ANKFN1: variants seen among roughly 807,000 people sequenced by gnomAD.
ANKFN1 encodes ankyrin repeat and fibronectin type III domain containing 1.
Under a neutral mutation model 108.7 loss-of-function variants are expected in ANKFN1, and 74 were observed. That is an observed-to-expected ratio of 0.68 (90% CI 0.56 to 0.83). The LOEUF is 0.83. ANKFN1 is among the 40% of genes least tolerant of loss of function. The pLI is 0.00. For synonymous variants in ANKFN1, 547 were observed against 516.2 expected (o/e 1.06, Z -0.81); for missense variants, 1,505 against 1,382.3 (o/e 1.09, Z -1.41).
chr17:56,269,396 T>C lies in ANKFN1; in HGVS notation c.53+41439T>C, dbSNP rs368854091. On this transcript the variant is annotated intron_variant, in intron 3 of 20. Transcript: ENST00000682825. ...TTTACACAGCCCTCCCAAACAACTCTGGAAGCAGGTAATGGAGGAGTTGTC... is the reference window on the plus strand; with the variant it reads ...TTTACACAGCCCTCCCAAACAACTCCGGAAGCAGGTAATGGAGGAGTTGTC... 1.6e-3 allele frequency among the ~76,000 whole-genome samples: 240 copies of C among 152,334 alleles called. 1 individual carries two copies. The highest frequency in any genetic ancestry group is 5.6e-3 in the African/African-American group (232 of 41,576).
chr17:56,502,320 G>A (rs1008031145), intron 20 of ANKFN1, among the ~76,000 whole-genome samples: 10 of 152,314 alleles, frequency 6.6e-5, no homozygotes, highest in Admixed American at 3.9e-4. Flanking sequence ...ACGTTGGCCT[G>A]AAGACGGGTT....
chr17:56,396,178 G>A (rs2047578106), intron 8 of ANKFN1, among the ~76,000 whole-genome samples: 1 of 152,140 alleles, frequency 6.6e-6, no homozygotes, highest in Non-Finnish European at 1.5e-5. Flanking sequence ...GCCAGGCACG[G>A]TGGCTCACAC....
intron 4 of ANKFN1, among the ~76,000 whole-genome samples, chr17:56,073,593 C>T (rs1292040187): frequency 1.3e-5 from 2 of 152,104 alleles, no homozygotes; most frequent in African/African-American, 4.8e-5. Flanking sequence ...GTTGTAGAAC[C>T]ACCACCTATG....
chr17:56,116,128 C>G (rs1906253412), intron 4 of ANKFN1, among the ~76,000 whole-genome samples: 1 of 152,148 alleles, frequency 6.6e-6, no homozygotes, highest in Non-Finnish European at 1.5e-5. Flanking sequence ...ACCGAGCATC[C>G]TCTTTTTTCA....
chr17:56,320,619 A>G (rs949431634), intron 3 of ANKFN1, among the ~76,000 whole-genome samples: 10 of 152,080 alleles, frequency 6.6e-5, no homozygotes, highest in African/African-American at 2.2e-4. Flanking sequence ...TGAGAATTCT[A>G]ATGATGACTG....
intron 8 of ANKFN1, 55 bp from the exon 9 acceptor site, chr17:56,440,272 G>A: frequency 8.8e-7 from 1 of 1,141,676 alleles, no homozygotes; most frequent in Non-Finnish European, 1.3e-6. Context: ...CTTGATGTGT[G>A]ACTGAATTTT....
At chr17:56,368,565 C>A (rs1267698269) in intron 6 of ANKFN1, among the ~76,000 whole-genome samples, 1 of 151,710 alleles carries the variant, frequency 6.6e-6, no homozygotes, top group Non-Finnish European at 1.5e-5. Context: ...CAGGTGTGAG[C>A]CACCGCGCCC....
rs1241131688 is a variant in ANKFN1, at chr17:56,391,255, G to A, written c.910+16541G>A. 2.7e-3 allele frequency among the ~76,000 whole-genome samples: 357 copies of A among 132,532 alleles called. 2 individuals carry two copies. The highest frequency in any genetic ancestry group is 9.6e-3 in the African/African-American group (313 of 32,628). 86.9% of individuals were successfully genotyped at this position (132,532 alleles called of 152,430 possible). Reference sequence around the variant, plus strand: ...TATATATATATATATATATGTATGTGTGTGTGTGTGTGTACATATATATAT... The same window carrying A: ...TATATATATATATATATATGTATGTATGTGTGTGTGTGTACATATATATAT... On this transcript the variant is annotated intron_variant, in intron 8 of 20. Coordinates refer to ENST00000682825, the MANE Select transcript of ANKFN1 (RefSeq NM_001370326.1).
At chr17:56,253,012 A>G (rs1439078317) in intron 3 of ANKFN1, among the ~76,000 whole-genome samples, 2 of 152,162 alleles carry the variant, frequency 1.3e-5, no homozygotes, top group African/African-American at 4.8e-5. Flanking sequence ...TTAGTGAGCT[A>G]TGTTTGTGTC....
intron 4 of ANKFN1, among the ~76,000 whole-genome samples, chr17:56,343,432 C>T (rs1346109603): frequency 6.6e-6 from 1 of 151,798 alleles, no homozygotes; most frequent in African/African-American, 2.4e-5. Context: ...TTCTTTTTGG[C>T]CCCTGTGATT....
At chr17:56,459,150 T>C (rs1279737037) in intron 14 of ANKFN1, among the ~76,000 whole-genome samples, 1 of 152,010 alleles carries the variant, frequency 6.6e-6, no homozygotes, top group East Asian at 1.9e-4. Flanking sequence ...TCTCTCTGTC[T>C]CCCAGGCTGG....
chr17:56,342,621 A>G lies in ANKFN1; in HGVS notation c.189-8145A>G, dbSNP rs371933561. ...TTGTATGGTTTTGAGTGAATCTCTT[A>G]GTCCTGAGTTCTAATTTGATTGTAA... On this transcript the variant is annotated intron_variant, in intron 4 of 20. Coordinates refer to ENST00000682825, the MANE Select transcript of ANKFN1 (RefSeq NM_001370326.1). Among the ~76,000 whole-genome samples, 15 of 152,228 alleles carry G rather than the reference A, an allele frequency of 9.9e-5. No homozygotes were observed. The East Asian group carries it at 2.3e-3, about 23-fold the overall frequency.
At chr17:56,078,766 G>C (rs957626776) in intron 4 of ANKFN1, among the ~76,000 whole-genome samples, 1 of 152,198 alleles carries the variant, frequency 6.6e-6, no homozygotes, top group Non-Finnish European at 1.5e-5. Context: ...ACATCACTCA[G>C]CAGTGGTTCT....
chr17:56,346,924 T>G (rs1276416162), intron 4 of ANKFN1, among the ~76,000 whole-genome samples: 1 of 152,038 alleles, frequency 6.6e-6, no homozygotes, highest in Non-Finnish European at 1.5e-5. Flanking sequence ...AATGAAATTC[T>G]GATACTGTTA....
At chr17:56,354,105 C>T in intron 6 of ANKFN1, 59 bp downstream of exon 6, 1 of 1,511,344 alleles carries the variant, frequency 6.6e-7, no homozygotes, top group South Asian at 1.2e-5. Flanking sequence ...CCTTATGCCA[C>T]CAAAATAGCC....
At chr17:56,280,905 C>T (rs1274160646) in intron 3 of ANKFN1, among the ~76,000 whole-genome samples, 2 of 152,096 alleles carry the variant, frequency 1.3e-5, no homozygotes, top group Non-Finnish European at 2.9e-5. Context: ...GGGGGTAGGT[C>T]TTTCTCATGC....
intron 1 of ANKFN1, among the ~76,000 whole-genome samples, chr17:56,161,679 T>C (rs1270446052): frequency 2.6e-5 from 4 of 152,126 alleles, no homozygotes; most frequent in South Asian, 2.1e-4. Flanking sequence ...GATGAATTAT[T>C]GCATAAACCC....
At chr17:56,217,799 T>G (rs990060651) in intron 2 of ANKFN1, among the ~76,000 whole-genome samples, 1 of 152,230 alleles carries the variant, frequency 6.6e-6, no homozygotes, top group Non-Finnish European at 1.5e-5. Context: ...AATTTGTACT[T>G]GTCTTTCCCC....
intron 4 of ANKFN1, among the ~76,000 whole-genome samples, chr17:56,131,617 T>G (rs1907288975): frequency 6.6e-6 from 1 of 152,238 alleles, no homozygotes; most frequent in African/African-American, 2.4e-5. Context: ...TATCTCATGA[T>G]GTGATCAATA....
Sources: gnomAD v4.1 joint callset for allele counts (sites outside exome capture counted in the v4.1 genomes callset) on GRCh38, gnomAD v4.1.1 for gene constraint, MANE v1.5 for transcripts, NCBI Gene and HGNC (gene_info 2026-07-23, HGNC 2026-07-21) for gene names.